The following REXO1 variants were observed in gnomAD, a reference collection of about 807,000 sequenced individuals.
REXO1 encodes the protein RNA exonuclease 1 homolog, also known as REX1, RNA exonuclease 1 homolog.
A neutral mutation model predicts 102.6 loss-of-function variants in REXO1; 42 were observed. The ratio of observed to expected loss-of-function variants is 0.41; its 90% CI spans 0.32 to 0.53. The LOEUF is 0.53. Among genes scored for constraint, REXO1 ranks in the 20% least tolerant of loss-of-function variants. The probability of loss-of-function intolerance (pLI) is 0.27; values close to 1 mark genes in which losing one functional copy is unlikely to be tolerated. For missense variants in REXO1, 1,819 were observed against 1,732.5 expected (o/e 1.05, Z -0.89); for synonymous variants, 908 against 779.1 (o/e 1.17, Z -2.76).
At chr19:1,817,675 C>G (rs1435837899) in intron 11 of REXO1, 32 bp downstream of exon 11, 2 of 1,601,170 alleles carry the variant, frequency 1.2e-6, no homozygotes, top group African/African-American at 1.3e-5. Flanking sequence ...CTGTTGAGAA[C>G]AGGCAGAGGG....
intron 1 of REXO1, among the ~76,000 whole-genome samples, chr19:1,837,280 T>C (rs1382769597): frequency 1.3e-5 from 2 of 151,802 alleles, no homozygotes; most frequent in African/African-American, 4.8e-5. Flanking sequence ...ACTCTGGGGG[T>C]CCCTGCTCCT....
At chr19:1,818,948 T>C in intron 8 of REXO1, 70 bp downstream of exon 8, 1 of 1,571,476 alleles carries the variant, frequency 6.4e-7, no homozygotes, top group African/African-American at 1.4e-5. Context: ...AAGCACCGTG[T>C]GGCACAGCAG....
At position 1,819,076 on chromosome 19, in the gene REXO1, G is replaced by A. The variant is rs749270163; in HGVS notation, c.2706C>T (p.Ala902=). ...GGCTGAGCGAGAAGCTGGTCTTGGCGGCCAACCTGCCCCCCAACACCACCT... is the reference window on the plus strand; with the variant it reads ...GGCTGAGCGAGAAGCTGGTCTTGGCAGCCAACCTGCCCCCCAACACCACCT... ...SHEVVLGGRL[A]AKTSFSLSRP... Residue 902 remains alanine (A), a synonymous_variant, in exon 8 of 16, where the codon GCC becomes GCT. Coordinates refer to ENST00000170168, the MANE Select transcript of REXO1 (RefSeq NM_020695.4). 5.6e-6 allele frequency: 9 copies of A among 1,599,374 alleles called. No homozygotes were observed. Among genetic ancestry groups the A allele is most frequent in the Middle Eastern group, 1.7e-4 (1 of 6,014 alleles).
Position 1,815,768 on chromosome 19 carries a change from G to A in REXO1, c.*298C>T. On this transcript the variant is annotated 3_prime_UTR_variant, in exon 16 of 16. Transcript: ENST00000170168. The surrounding 1 kb of genome is among the most constrained non-coding windows in gnomAD (Gnocchi z 4.0). The stretch of plus-strand genomic sequence containing the variant: ...CCCGGGAGGGAGGGCCTGGCAGGAG[G>A]GGCAGGAGGGGCTGCGGGCCGGGTG... The A allele has an allele frequency of 6.9e-7, 1 of 1,443,868 alleles. No individual in the cohort carries two copies. Among genetic ancestry groups the A allele is most frequent in the Non-Finnish European group, 9.1e-7 (1 of 1,093,622 alleles). 89.4% of individuals were successfully genotyped at this position (1,443,868 alleles called of 1,614,324 possible). A position where few individuals can be genotyped will look rare whatever the true frequency, so the allele number is the denominator to read the frequency against.
At chr19:1,833,005 A>G (rs2145303281) in intron 1 of REXO1, among the ~76,000 whole-genome samples, 1 of 152,050 alleles carries the variant, frequency 6.6e-6, no homozygotes, top group South Asian at 2.1e-4. Context: ...CAAGATGAGC[A>G]GACTGCTTGA....
rs1404101976 is a variant in REXO1, at chr19:1,815,490, G to A, written c.*576C>T. The A allele has an allele frequency of 2.1e-5, 4 of 195,050 alleles. No homozygotes were observed. Among genetic ancestry groups the A allele is most frequent in the African/African-American group, 9.5e-5 (4 of 41,954 alleles). The allele number at this position is 195,050 out of a possible 1,614,324, so 12.1% of individuals were successfully genotyped here. A position where few individuals can be genotyped will look rare whatever the true frequency, so the allele number is the denominator to read the frequency against. On this transcript the variant is annotated 3_prime_UTR_variant, in exon 16 of 16. Transcript: ENST00000170168. The surrounding 1 kb of genome is among the most constrained non-coding windows in gnomAD (Gnocchi z 4.0). Reference sequence around the variant, plus strand: ...GCCCCCGAAGACCGGCCAGCCCCTGGAGCACAGAGGCGGGTCCAGCCCACA... The same window carrying A: ...GCCCCCGAAGACCGGCCAGCCCCTGAAGCACAGAGGCGGGTCCAGCCCACA...
chr19:1,821,584 C>T lies in REXO1; in HGVS notation c.2329G>A (p.Gly777Arg), dbSNP rs200127981. Residue 777 changes from glycine to arginine, a missense_variant, in exon 5 of 16, where the codon GGG (glycine) becomes AGG (arginine). Transcript: ENST00000170168. ...GTGGTGGTAGTCTTGGACGCCATCC[C>T]CGACAATGTGCGTGTTTTCAGCTGC... ...GQQLKTRTLS[G>R]MASKTTTTII... 6.2e-7 allele frequency: 1 copy of T among 1,613,924 alleles called. No individual in the cohort carries two copies. Among genetic ancestry groups the T allele is most frequent in the Non-Finnish European group, 8.5e-7 (1 of 1,179,918 alleles).
In REXO1 at chr19:1,823,646, G is replaced by T; in HGVS notation, c.2156C>A (p.Ser719Ter). 1 of 1,304,184 alleles carries T rather than the reference G, an allele frequency of 7.7e-7. No individual in the cohort carries two copies. The highest frequency in any genetic ancestry group is 9.8e-7 in the Non-Finnish European group (1 of 1,018,160). The allele number at this position is 1,304,184 out of a possible 1,614,324, so 80.8% of individuals were successfully genotyped here. Residue 719 changes from serine to a stop codon, truncating the protein, a stop_gained, in exon 4 of 16, where the codon TCG becomes TAG. Transcript: ENST00000170168. LOFTEE classifies it high-confidence loss of function. ...LQAPARLAEK[S>*]PSVHISAPGE... ...AGGGGCGGAAATGTGGACGGAGGGC[G>T]ACTTCTCTGCCAGCCTGGCGGGGGC...
intron 10 of REXO1, 95 bp downstream of exon 10, chr19:1,818,387 G>A (rs1568681134): frequency 1.1e-6 from 1 of 931,250 alleles, no homozygotes; most frequent in Non-Finnish European, 1.7e-6. Context: ...TGGAGGGCCT[G>A]GGTAAAGCCT....
chr19:1,838,060 C>T (rs937806904), intron 1 of REXO1, among the ~76,000 whole-genome samples: 3 of 152,128 alleles, frequency 2.0e-5, no homozygotes, highest in Admixed American at 2.0e-4. Context: ...CTAATCCCCG[C>T]GCTCTGGGAG....
At chr19:1,819,175 C>T (rs1180505384) in intron 7 of REXO1, 44 bp from the exon 8 acceptor site, 2 of 1,440,812 alleles carry the variant, frequency 1.4e-6, no homozygotes, top group South Asian at 1.3e-5. Flanking sequence ...AAGTAGCTGG[C>T]TCAGACCCCT....
At chr19:1,829,990 G>A (rs1463654323) in intron 1 of REXO1, among the ~76,000 whole-genome samples, 3 of 152,134 alleles carry the variant, frequency 2.0e-5, no homozygotes, top group African/African-American at 4.8e-5. Flanking sequence ...GGGAACATGA[G>A]ACTCGCATGT....
intron 1 of REXO1, among the ~76,000 whole-genome samples, chr19:1,847,421 C>T (rs1449448288): frequency 1.3e-5 from 2 of 152,140 alleles, no homozygotes; most frequent in African/African-American, 4.8e-5. Flanking sequence ...AGCAGAGAGC[C>T]ACTATCAAGG....
At position 1,818,567 on chromosome 19, in the gene REXO1, G is replaced by A; in HGVS notation, c.2931C>T (p.Gly977=). The A allele has an allele frequency of 1.9e-6, 3 of 1,611,556 alleles. No homozygotes were observed. The highest frequency in any genetic ancestry group is 2.5e-6 in the Non-Finnish European group (3 of 1,179,536). The change falls in exon 10 of 16, where the codon GGC becomes GGT. Residue 977 remains glycine (G), a synonymous_variant. Coordinates refer to ENST00000170168, the MANE Select transcript of REXO1 (RefSeq NM_020695.4). ...CTGAAGAGGACACGAGGTACTCGGTGCCACAGCGGCAGCAGGTCCTGCAGG... is the reference window on the plus strand; with the variant it reads ...CTGAAGAGGACACGAGGTACTCGGTACCACAGCGGCAGCAGGTCCTGCAGG... The part of the protein sequence containing the change: ...DSSCRTCCRC[G]TEYLVSSSGR...
chr19:1,825,620 C>T (rs1193567109), intron 3 of REXO1, among the ~76,000 whole-genome samples: 1 of 151,980 alleles, frequency 6.6e-6, no homozygotes, highest in Non-Finnish European at 1.5e-5. Context: ...GTATTACAGG[C>T]ACCCATCACC....
rs775120278 is a variant in REXO1, at chr19:1,828,144, G to A, written c.645C>T (p.Pro215=). The A allele has an allele frequency of 5.6e-5, 90 of 1,610,232 alleles. No homozygotes were observed. The highest frequency in any genetic ancestry group is 1.3e-4 in the East Asian group (6 of 44,872). ...AVSQPRRHSR[P]VPSGKYVVDN... ...CCACCACGTACTTGCCACTGGGAACGGGGCGGCTGTGCCGCCGGGGCTGGC... is the reference window on the plus strand; with the variant it reads ...CCACCACGTACTTGCCACTGGGAACAGGGCGGCTGTGCCGCCGGGGCTGGC... The change falls in exon 2 of 16, where the codon CCC becomes CCT. Residue 215 remains proline, a synonymous_variant. Coordinates refer to ENST00000170168, the MANE Select transcript of REXO1 (RefSeq NM_020695.4).
chr19:1,841,546 C>T (rs1025163833), intron 1 of REXO1, among the ~76,000 whole-genome samples: 7 of 152,234 alleles, frequency 4.6e-5, no homozygotes, highest in Admixed American at 2.6e-4. Context: ...AAGGGGGTAA[C>T]GCCCAGCAGG....
At chr19:1,842,563 C>T (rs550343585) in intron 1 of REXO1, among the ~76,000 whole-genome samples, 4 of 152,374 alleles carry the variant, frequency 2.6e-5, no homozygotes, top group African/African-American at 9.6e-5. Flanking sequence ...GAGGCAGCTC[C>T]GGGCCCAGCA....
chr19:1,822,175 T>C (rs2069565296), intron 4 of REXO1: 4 of 320,024 alleles, frequency 1.2e-5, no homozygotes, highest in South Asian at 2.1e-4. Flanking sequence ...AACCTGGGCA[T>C]GTACGTCTGT....
Sources: gnomAD v4.1 joint callset for allele counts (sites outside exome capture counted in the v4.1 genomes callset) on GRCh38, gnomAD v4.1.1 for gene constraint, Gnocchi (gnomAD v3.1) non-coding constraint, MANE v1.5 for transcripts, NCBI Gene and HGNC (gene_info 2026-07-23, HGNC 2026-07-21) for gene names.